DLG2: variants seen among roughly 807,000 people sequenced by gnomAD.
DLG2 encodes discs large MAGUK scaffold protein 2.
In DLG2, 45 loss-of-function variants were observed where a neutral mutation model predicts 132.5. The observed-to-expected ratio is 0.34, with a 90% CI of 0.27 to 0.44. The LOEUF (loss-of-function observed/expected upper bound fraction) is 0.44, where lower values mean the gene tolerates loss of function less well. DLG2 is among the 20% of genes least tolerant of loss of function. The pLI is 1.00. For missense variants in DLG2, 1,045 were observed against 1,196.9 expected, an observed-to-expected ratio of 0.87 and a Z score of 1.87; for synonymous variants, 424 against 419.6, an observed-to-expected ratio of 1.01 and a Z score of -0.13.
At chr11:84,697,777 C>A (rs1173664367) in intron 6 of DLG2, among the ~76,000 whole-genome samples, 3 of 151,364 alleles carry the variant, frequency 2.0e-5, no homozygotes, top group Non-Finnish European at 4.4e-5. Context: ...ACGTCATTGA[C>A]AGGTTTTCAC....
In DLG2 at chr11:84,742,297, A is replaced by G. The variant is rs547442051; in HGVS notation, c.358-207566T>C. On this transcript the variant is annotated intron_variant, in intron 6 of 27. Transcript: ENST00000376104. ...TAGACATTCAGATCCAAGAAGCTCA[A>G]AAAATCCCAAATATATTAAACCCAA... Among the ~76,000 whole-genome samples the G allele has an allele frequency of 1.4e-4, 22 of 152,308 alleles. 1 individual carries two copies. The South Asian group carries it at 4.6e-3, about 32-fold the overall frequency.
chr11:85,302,438 T>C (rs571124505), intron 3 of DLG2, among the ~76,000 whole-genome samples: 122 of 152,298 alleles, frequency 8.0e-4, no homozygotes, highest in African/African-American at 2.9e-3. Flanking sequence ...TTTTAGGAAG[T>C]GTCAGAATGC....
intron 7 of DLG2, among the ~76,000 whole-genome samples, chr11:84,324,637 C>A (rs751293133): frequency 1.8e-4 from 28 of 152,006 alleles, no homozygotes; most frequent in African/African-American, 3.6e-4. Flanking sequence ...GTAATATGGA[C>A]ATTTTAACAA....
intron 3 of DLG2, among the ~76,000 whole-genome samples, chr11:85,464,856 C>A (rs2092728503): frequency 6.6e-6 from 1 of 151,402 alleles, no homozygotes; most frequent in South Asian, 2.1e-4. Flanking sequence ...AGGTGAATCA[C>A]AAGGCCAGGA....
chr11:83,747,984 G>T (rs2093038538), intron 18 of DLG2, among the ~76,000 whole-genome samples: 1 of 152,080 alleles, frequency 6.6e-6, no homozygotes, highest in Admixed American at 6.6e-5. Context: ...GGAGAAGATT[G>T]AGGCACTTAT....
intron 14 of DLG2, among the ~76,000 whole-genome samples, chr11:83,946,795 T>C (rs1268740211): frequency 4.5e-4 from 68 of 152,306 alleles, no homozygotes. Context: ...TTTAAACAAA[T>C]ATTTCTCTCT....
Position 83,738,369 on chromosome 11 carries a change from G to A in DLG2, c.1825+48321C>T, listed in dbSNP as rs1183282534. On this transcript the variant is annotated intron_variant, in intron 18 of 27. Coordinates refer to ENST00000376104, the MANE Select transcript of DLG2 (RefSeq NM_001142699.3). ...TTCTAGTTCTTATGTTGAAAAAGAGGGGCAGGCTTCTCTTTGGGGGCTGCT... is the reference window on the plus strand; with the variant it reads ...TTCTAGTTCTTATGTTGAAAAAGAGAGGCAGGCTTCTCTTTGGGGGCTGCT... Among the ~76,000 whole-genome samples the A allele has an allele frequency of 2.6e-5, 4 of 152,006 alleles. No homozygotes were observed. The East Asian group carries it at 7.7e-4, about 29-fold the overall frequency.
intron 8 of DLG2, among the ~76,000 whole-genome samples, chr11:84,180,283 GT>G (rs1279444306): frequency 1.3e-5 from 2 of 152,012 alleles, no homozygotes; most frequent in Non-Finnish European, 2.9e-5. Flanking sequence ...GAATCCCTTA[GT>G]TTGAGGATAC....
At chr11:84,197,966 T>C (rs1476526773) in intron 8 of DLG2, among the ~76,000 whole-genome samples, 2 of 152,194 alleles carry the variant, frequency 1.3e-5, no homozygotes, top group African/African-American at 4.8e-5. Flanking sequence ...TCATACTTCA[T>C]CTTTAAAAAG....
chr11:84,380,913 G>C (rs1318803827), intron 7 of DLG2, among the ~76,000 whole-genome samples: 1 of 151,938 alleles, frequency 6.6e-6, no homozygotes, highest in East Asian at 1.9e-4. Flanking sequence ...GTGTATTTAT[G>C]AATATATTAA....
At chr11:85,190,817 T>C (rs1238806616) in intron 4 of DLG2, among the ~76,000 whole-genome samples, 1 of 152,186 alleles carries the variant, frequency 6.6e-6, no homozygotes. Context: ...AAATACCATC[T>C]TACACTGGTC....
intron 18 of DLG2, among the ~76,000 whole-genome samples, chr11:83,711,075 T>C (rs896907745): frequency 2.2e-4 from 34 of 152,256 alleles, no homozygotes; most frequent in African/African-American, 7.0e-4. Context: ...ATCCTGACTA[T>C]AAAACCATAG....
intron 11 of DLG2, among the ~76,000 whole-genome samples, chr11:83,993,224 T>C (rs891948371): frequency 2.0e-5 from 3 of 152,152 alleles, no homozygotes; most frequent in African/African-American, 7.2e-5. Context: ...TGCTGACATA[T>C]AGTAATTGTT....
intron 6 of DLG2, among the ~76,000 whole-genome samples, chr11:84,628,898 G>C (rs947628496): frequency 6.6e-6 from 1 of 152,186 alleles, no homozygotes; most frequent in African/African-American, 2.4e-5. Context: ...TGAGTGAAAT[G>C]ATGAATAGTC....
At chr11:85,616,612 T>C (rs969429344) in intron 2 of DLG2, among the ~76,000 whole-genome samples, 5 of 152,058 alleles carry the variant, frequency 3.3e-5, no homozygotes, top group Non-Finnish European at 5.9e-5. Context: ...GCCCTCAGAA[T>C]AAAATAAGAG....
chr11:84,175,445 T>C (rs2095936138), intron 8 of DLG2, among the ~76,000 whole-genome samples: 1 of 152,160 alleles, frequency 6.6e-6, no homozygotes, highest in Non-Finnish European at 1.5e-5. Flanking sequence ...TGTATATCTT[T>C]AAAATCCCTT....
intron 21 of DLG2, among the ~76,000 whole-genome samples, chr11:83,498,373 A>G: frequency 6.6e-6 from 1 of 152,100 alleles, no homozygotes; most frequent in East Asian, 1.9e-4. Flanking sequence ...TAACAATGAA[A>G]TGAAATTAAA....
At chr11:84,767,442 T>A (rs893166677) in intron 6 of DLG2, among the ~76,000 whole-genome samples, 3 of 152,052 alleles carry the variant, frequency 2.0e-5, no homozygotes, top group Non-Finnish European at 4.4e-5. Context: ...TTTTTACAAC[T>A]ATATAGGATT....
intron 16 of DLG2, among the ~76,000 whole-genome samples, chr11:83,840,447 G>A (rs1452549743): frequency 6.6e-6 from 1 of 152,072 alleles, no homozygotes; most frequent in African/African-American, 2.4e-5. Context: ...TTTTAACCAG[G>A]TATGTCAAAA....
Sources: gnomAD v4.1 joint callset for allele counts (sites outside exome capture counted in the v4.1 genomes callset) on GRCh38, gnomAD v4.1.1 for gene constraint, MANE v1.5 for transcripts, NCBI Gene and HGNC (gene_info 2026-07-23, HGNC 2026-07-21) for gene names.